Variants in TMTC1 observed in about 807,000 individuals in gnomAD.
The protein encoded by TMTC1 is transmembrane O-mannosyltransferase targeting cadherins 1.
TMTC1 carries 73 observed loss-of-function variants against 104.8 expected under a neutral mutation model. The ratio of observed to expected loss-of-function variants is 0.70; its 90% CI spans 0.58 to 0.85. The LOEUF (loss-of-function observed/expected upper bound fraction) is 0.85, where lower values mean the gene tolerates loss of function less well. Among genes scored for constraint, TMTC1 ranks in the 40% least tolerant of loss-of-function variants. The probability of loss-of-function intolerance (pLI) is 0.00; values close to 1 mark genes in which losing one functional copy is unlikely to be tolerated. For synonymous variants in TMTC1, 434 were observed against 428.7 expected (o/e 1.01, Z -0.15); for missense variants, 1,035 against 1,096.1 (o/e 0.94, Z 0.79).
At chr12:29,551,660 G>A (rs1379086729) in intron 10 of TMTC1, among the ~76,000 whole-genome samples, 1 of 152,010 alleles carries the variant, frequency 6.6e-6, no homozygotes, top group Non-Finnish European at 1.5e-5. Flanking sequence ...TTTTAACAGA[G>A]CATTCACAGA....
At chr12:29,540,491 T>C (rs186073798) in intron 10 of TMTC1, among the ~76,000 whole-genome samples, 1 of 152,306 alleles carries the variant, frequency 6.6e-6, no homozygotes, top group East Asian at 1.9e-4. Flanking sequence ...ACTTCAAATC[T>C]AGACCGTTCC....
chr12:29,745,782 T>C (rs527280145), intron 5 of TMTC1, among the ~76,000 whole-genome samples: 2 of 152,226 alleles, frequency 1.3e-5, no homozygotes, highest in Non-Finnish European at 2.9e-5. Flanking sequence ...ACTTTAATTA[T>C]ACTGGTTAGT....
At chr12:29,732,267 A>G (rs546167888) in intron 5 of TMTC1, among the ~76,000 whole-genome samples, 2 of 152,226 alleles carry the variant, frequency 1.3e-5, no homozygotes, top group Non-Finnish European at 2.9e-5. Flanking sequence ...GACTTTACAC[A>G]GGAAGAAGTT....
chr12:29,507,604 T>C (rs1943728036), intron 17 of TMTC1, among the ~76,000 whole-genome samples: 1 of 152,200 alleles, frequency 6.6e-6, no homozygotes, highest in Non-Finnish European at 1.5e-5. Flanking sequence ...TAGTGCAGTA[T>C]GGTATGTGAC....
chr12:29,758,516 G>T (rs922537771), intron 3 of TMTC1, among the ~76,000 whole-genome samples, 188 bp downstream of exon 3: 1 of 152,076 alleles, frequency 6.6e-6, no homozygotes, highest in African/African-American at 2.4e-5. Context: ...CTACAGTGTG[G>T]TTCAGAATGG....
At chr12:29,724,609 A>G (rs1330586353) in intron 5 of TMTC1, among the ~76,000 whole-genome samples, 1 of 152,244 alleles carries the variant, frequency 6.6e-6, no homozygotes, top group Non-Finnish European at 1.5e-5. Flanking sequence ...CGCCAGCAAT[A>G]ACAAAGATGG....
intron 5 of TMTC1, among the ~76,000 whole-genome samples, chr12:29,637,445 T>C (rs1184348385): frequency 6.6e-6 from 1 of 152,228 alleles, no homozygotes; most frequent in Non-Finnish European, 1.5e-5. Flanking sequence ...CAAGAATATC[T>C]TGCCAACAAA....
intron 5 of TMTC1, among the ~76,000 whole-genome samples, chr12:29,653,156 C>T (rs907206342): frequency 3.3e-5 from 5 of 151,796 alleles, no homozygotes; most frequent in South Asian, 2.1e-4. Context: ...TGGATCCTAA[C>T]GGGTGTAGGA....
intron 5 of TMTC1, among the ~76,000 whole-genome samples, chr12:29,702,167 T>C (rs1941612872): frequency 6.6e-6 from 1 of 152,196 alleles, no homozygotes; most frequent in Admixed American, 6.5e-5. Context: ...GATACTGCCT[T>C]CTTCTTTTCC....
At chr12:29,765,814 C>T (rs1421653316) in intron 2 of TMTC1, among the ~76,000 whole-genome samples, 1 of 152,136 alleles carries the variant, frequency 6.6e-6, no homozygotes, top group African/African-American at 2.4e-5. Context: ...ATAGGATGTT[C>T]ACATAAATAA....
intron 10 of TMTC1, among the ~76,000 whole-genome samples, chr12:29,552,638 T>C (rs1174975187): frequency 6.6e-6 from 1 of 152,180 alleles, no homozygotes; most frequent in African/African-American, 2.4e-5. Context: ...GTTACTTATT[T>C]TCTCCAAATC....
chr12:29,663,695 T>A (rs1481605028), intron 5 of TMTC1, among the ~76,000 whole-genome samples: 1 of 148,596 alleles, frequency 6.7e-6, no homozygotes, highest in East Asian at 2.0e-4. Flanking sequence ...ATTTGTACTT[T>A]TAGTAGAGAC....
intron 7 of TMTC1, among the ~76,000 whole-genome samples, chr12:29,597,238 C>CT (rs1565697568): frequency 3.0e-5 from 4 of 132,422 alleles, no homozygotes; most frequent in Non-Finnish European, 3.2e-5. Flanking sequence ...TCTTTCTTTT[C>CT]TTTCTTTTTT....
chr12:29,517,586 A>C lies in TMTC1; in HGVS notation c.2025-15T>G. 1 of 1,613,978 alleles carries C rather than the reference A, an allele frequency of 6.2e-7. No individual in the cohort carries two copies. The highest frequency in any genetic ancestry group is 1.1e-5 in the South Asian group (1 of 91,030). On this transcript the variant is annotated splice_polypyrimidine_tract_variant and intron_variant, in intron 13 of 17. Transcript: ENST00000539277. ...CCTGCAGGGCGCTGAGTTTGGAGAA[A>C]ATCTAAATGACATTTCTCTTCTAAT...
intron 10 of TMTC1, 63 bp downstream of exon 10, chr12:29,556,794 T>A (rs1372049805): frequency 1.9e-5 from 31 of 1,602,130 alleles, no homozygotes; most frequent in Non-Finnish European, 2.6e-5. Context: ...AAATGAGTGT[T>A]GAGAAGGAAA....
At chr12:29,578,665 A>G (rs1441400171) in intron 8 of TMTC1, among the ~76,000 whole-genome samples, 1 of 152,202 alleles carries the variant, frequency 6.6e-6, no homozygotes, top group South Asian at 2.1e-4. Context: ...ATAAATAACA[A>G]AAAAGCTACT....
At chr12:29,669,219 A>G (rs1387158468) in intron 5 of TMTC1, among the ~76,000 whole-genome samples, 3 of 152,244 alleles carry the variant, frequency 2.0e-5, no homozygotes, top group African/African-American at 7.2e-5. Flanking sequence ...GGGCAAGCTC[A>G]GAGGGAGAAA....
At chr12:29,627,006 G>T (rs1565720101) in intron 6 of TMTC1, among the ~76,000 whole-genome samples, 1 of 152,158 alleles carries the variant, frequency 6.6e-6, no homozygotes, top group East Asian at 1.9e-4. Context: ...GGAGGCTGAG[G>T]CAGGAGAATT....
intron 7 of TMTC1, among the ~76,000 whole-genome samples, chr12:29,586,900 T>A (rs1946150741): frequency 6.6e-6 from 1 of 152,220 alleles, no homozygotes; most frequent in South Asian, 2.1e-4. Flanking sequence ...AATTCTCTTT[T>A]TTTGTTGTGT....
Sources: allele counts gnomAD v4.1 joint callset (sites outside exome capture counted in the v4.1 genomes callset), GRCh38; gene constraint gnomAD v4.1.1; transcripts MANE v1.5; gene names NCBI Gene and HGNC (gene_info 2026-07-23, HGNC 2026-07-21).